The following CDC42BPA variants were observed in gnomAD, a reference collection of about 807,000 sequenced individuals.
CDC42BPA encodes CDC42 binding protein kinase alpha, also known as serine/threonine-protein kinase MRCK alpha.
In CDC42BPA, 80 loss-of-function variants were observed where a neutral mutation model predicts 223.5. The ratio of observed to expected loss-of-function variants is 0.36; its 90% confidence interval spans 0.30 to 0.43. The LOEUF (loss-of-function observed/expected upper bound fraction) is 0.43. Among genes scored for constraint, CDC42BPA ranks in the 20% least tolerant of loss-of-function variants. The pLI is 1.00. For missense variants in CDC42BPA, 1,743 were observed against 2,099.9 expected, an observed-to-expected ratio of 0.83 and a Z score of 3.32; for synonymous variants, 694 against 718.6, an observed-to-expected ratio of 0.97 and a Z score of 0.55.
intron 35 of CDC42BPA, chr1:227,004,114 G>A (rs1468012520): frequency 6.7e-6 from 1 of 149,870 alleles, no homozygotes; most frequent in Non-Finnish European, 1.5e-5. Context: ...TCCTGCCTCA[G>A]CCCCTTCTTA....
At chr1:227,079,855 T>A (rs952345936) in intron 17 of CDC42BPA, among the ~76,000 whole-genome samples, 1 of 149,338 alleles carries the variant, frequency 6.7e-6, no homozygotes, top group Non-Finnish European at 1.5e-5. Flanking sequence ...TATTTTGGAT[T>A]TCAGGTTTTT....
chr1:227,054,396 C>T (rs1428974379), intron 21 of CDC42BPA, among the ~76,000 whole-genome samples: 1 of 152,164 alleles, frequency 6.6e-6, no homozygotes, highest in Non-Finnish European at 1.5e-5. Context: ...CTTCTACTTT[C>T]TCGCATTAAA....
At chr1:227,030,741 C>A (rs113571454) in intron 28 of CDC42BPA, among the ~76,000 whole-genome samples, 1 of 152,104 alleles carries the variant, frequency 6.6e-6, no homozygotes, top group Admixed American at 6.5e-5. Flanking sequence ...TTGTTCTACA[C>A]TTATTGTTTT....
chr1:227,298,653 G>A (rs1691121852), intron 1 of CDC42BPA, among the ~76,000 whole-genome samples: 1 of 152,064 alleles, frequency 6.6e-6, no homozygotes, highest in Non-Finnish European at 1.5e-5. Context: ...GCCATTTGAA[G>A]CTATATAACA....
chr1:227,295,953 G>A (rs934374139), intron 1 of CDC42BPA, among the ~76,000 whole-genome samples: 1 of 152,144 alleles, frequency 6.6e-6, no homozygotes, highest in Non-Finnish European at 1.5e-5. Context: ...CAGTCAATCG[G>A]GTTTTGTTAA....
Position 227,265,630 on chromosome 1 carries a change from TA to T in CDC42BPA, c.179-11476del, listed in dbSNP as rs77731029. ...GTGACGACAGAGCGAGACTCCGTCT[TA>T]AAAAAAAAAAAAAAAGATTCAAAAA... On this transcript the variant is annotated intron_variant, in intron 1 of 36. Transcript: ENST00000366766. 5.8e-3 allele frequency among the ~76,000 whole-genome samples: 772 copies of T among 132,934 alleles called. 1 individual carries two copies. The highest frequency in any genetic ancestry group is 0.026 in the East Asian group (119 of 4,650). The allele number at this position is 132,934 out of a possible 152,430, so 87.2% of individuals were successfully genotyped here. A position where few individuals can be genotyped will look rare whatever the true frequency, so the allele number is the denominator to read the frequency against.
intron 2 of CDC42BPA, among the ~76,000 whole-genome samples, chr1:227,238,855 G>A (rs574378598): frequency 1.3e-5 from 2 of 152,146 alleles, no homozygotes; most frequent in African/African-American, 4.8e-5. Flanking sequence ...GGAAACTACA[G>A]GGAAATACAG....
chr1:227,098,390 A>C (rs1684406373), intron 15 of CDC42BPA, among the ~76,000 whole-genome samples: 1 of 152,184 alleles, frequency 6.6e-6, no homozygotes, highest in Non-Finnish European at 1.5e-5. Flanking sequence ...AGGCTGGTCT[A>C]TACATCAGCC....
intron 2 of CDC42BPA, among the ~76,000 whole-genome samples, chr1:227,220,282 T>TTATATATATATATATATA (rs368690606): frequency 9.9e-5 from 10 of 100,852 alleles, no homozygotes; most frequent in East Asian, 9.1e-4. Context: ...AAAAGTCATG[T>TTATATATATATATATATA]TATATATATA....
At chr1:227,026,885 G>C (rs1457916992) in intron 30 of CDC42BPA, among the ~76,000 whole-genome samples, 2 of 152,150 alleles carry the variant, frequency 1.3e-5, no homozygotes, top group East Asian at 3.9e-4. Context: ...CATGATCATA[G>C]CTCAAGTGAT....
At position 227,009,733 on chromosome 1, in the gene CDC42BPA, A is replaced by T. The variant is rs116631416; in HGVS notation, c.4858-4622T>A. On this transcript the variant is annotated intron_variant, in intron 34 of 36. Coordinates refer to ENST00000366766, the MANE Select transcript of CDC42BPA (RefSeq NM_001394014.1). ...GCCCAGTGAAAAGTTCCTGATTAAC[A>T]TATACAAAATTCCTCTGGAATCCAC... 6.0e-3 allele frequency among the ~76,000 whole-genome samples: 915 copies of T among 152,272 alleles called. 10 individuals are homozygous for T. The highest frequency in any genetic ancestry group is 0.021 in the African/African-American group (861 of 41,554).
At chr1:227,035,815 G>GA (rs2148707965) in intron 24 of CDC42BPA, among the ~76,000 whole-genome samples, 1 of 152,228 alleles carries the variant, frequency 6.6e-6, no homozygotes. Flanking sequence ...AAAATTACTT[G>GA]TATTACTGCT....
chr1:227,017,894 A>G (rs564889149), intron 32 of CDC42BPA, among the ~76,000 whole-genome samples: 2 of 152,210 alleles, frequency 1.3e-5, no homozygotes, highest in African/African-American at 2.4e-5. Flanking sequence ...CTGAAGTGAG[A>G]AGGAGGAGGT....
chr1:227,154,882 C>T (rs1435737042), intron 6 of CDC42BPA, among the ~76,000 whole-genome samples: 1 of 151,900 alleles, frequency 6.6e-6, no homozygotes, highest in Non-Finnish European at 1.5e-5. Flanking sequence ...GGATATAAAC[C>T]AATATGCTAA....
intron 22 of CDC42BPA, among the ~76,000 whole-genome samples, chr1:227,049,294 C>A (rs1673081670): frequency 6.6e-6 from 1 of 151,678 alleles, no homozygotes; most frequent in Non-Finnish European, 1.5e-5. Flanking sequence ...CAAGGCAATG[C>A]ACAGTAAGAA....
chr1:227,257,159 T>C (rs1683218984), intron 1 of CDC42BPA, among the ~76,000 whole-genome samples: 1 of 152,096 alleles, frequency 6.6e-6, no homozygotes, highest in African/African-American at 2.4e-5. Flanking sequence ...AGAAAGTAGA[T>C]TAAAGGTTAC....
At chr1:227,194,599 T>C (rs890363319) in intron 4 of CDC42BPA, among the ~76,000 whole-genome samples, 21 of 152,170 alleles carry the variant, frequency 1.4e-4, no homozygotes, top group African/African-American at 4.8e-4. Flanking sequence ...AAAGAAACGA[T>C]GAGAAGAGTA....
At chr1:227,283,733 T>C (rs889823696) in intron 1 of CDC42BPA, among the ~76,000 whole-genome samples, 5 of 152,192 alleles carry the variant, frequency 3.3e-5, no homozygotes, top group Non-Finnish European at 4.4e-5. Flanking sequence ...GTAATATCCA[T>C]GTAATAAATA....
chr1:227,160,294 G>A (rs1663639882), intron 6 of CDC42BPA, among the ~76,000 whole-genome samples: 1 of 152,182 alleles, frequency 6.6e-6, no homozygotes, highest in African/African-American at 2.4e-5. Flanking sequence ...GAGCAAACAA[G>A]GGTCTCATAA....
Sources: gnomAD v4.1 joint callset for allele counts (sites outside exome capture counted in the v4.1 genomes callset) on GRCh38, gnomAD v4.1.1 for gene constraint, MANE v1.5 for transcripts, NCBI Gene and HGNC (gene_info 2026-07-23, HGNC 2026-07-21) for gene names.